Variants in DYRK2 observed in about 807,000 individuals in gnomAD.
DYRK2 encodes the protein dual specificity tyrosine phosphorylation regulated kinase 2.
DYRK2 carries 12 observed loss-of-function variants against 41.6 expected under a neutral mutation model. The ratio of observed to expected loss-of-function variants is 0.29; its 90% CI spans 0.18 to 0.47. DYRK2 has a LOEUF of 0.47. Among genes scored for constraint, DYRK2 ranks in the 20% least tolerant of loss-of-function variants. The pLI is 1.00. For missense variants in DYRK2, 678 were observed against 798.4 expected (o/e 0.85, Z 1.82); for synonymous variants, 322 against 315.7 (o/e 1.02, Z -0.21).
intron 1 of DYRK2, 160 bp from the exon 2 acceptor site, chr12:67,649,637 C>T: frequency 1.2e-6 from 1 of 828,934 alleles, no homozygotes; most frequent in Non-Finnish European, 1.6e-6. Context: ...TGGGTGTGCG[C>T]TGGGGAGCCG....
Position 67,649,801 on chromosome 12 carries a change from A to C in DYRK2, c.54A>C (p.Arg18=). 7.6e-7 allele frequency: 1 copy of C among 1,314,972 alleles called. No individual in the cohort carries two copies. The highest frequency in any genetic ancestry group is 9.8e-7 in the Non-Finnish European group (1 of 1,025,118). 81.5% of individuals were successfully genotyped at this position (1,314,972 alleles called of 1,614,324 possible). Reference sequence around the variant, plus strand: ...CCTCCCGCACGTGGCTTCCAGGCCGAGGTGGGGACAGCGCCGTTCGTCAGC... The same window carrying C: ...CCTCCCGCACGTGGCTTCCAGGCCGCGGTGGGGACAGCGCCGTTCGTCAGC... The part of the protein sequence containing the change: ...AAAPAAYPTG[R]GGDSAVRQLQ... Residue 18 remains arginine (R), a synonymous_variant, in exon 2 of 3, where the codon CGA becomes CGC. Coordinates refer to ENST00000344096, the MANE Select transcript of DYRK2 (RefSeq NM_006482.3).
In DYRK2 at chr12:67,648,929, G is replaced by C; in HGVS notation, c.-205G>C. 5.3e-6 allele frequency: 2 copies of C among 379,824 alleles called. No homozygotes were observed. Among genetic ancestry groups the C allele is most frequent in the Non-Finnish European group, 9.3e-6 (2 of 213,994 alleles). 23.5% of individuals were successfully genotyped at this position (379,824 alleles called of 1,614,324 possible). On this transcript the variant is annotated 5_prime_UTR_variant, in exon 1 of 3. Transcript: ENST00000344096. Reference sequence around the variant, plus strand: ...AAGAGGAGGACGGCGGCGAGGAGGAGAGCGGGGGGCTCGCGGCGGCGGGCC... The same window carrying C: ...AAGAGGAGGACGGCGGCGAGGAGGACAGCGGGGGGCTCGCGGCGGCGGGCC...
Position 67,664,053 on chromosome 12 carries a change from T to A in DYRK2, c.*5340T>A, listed in dbSNP as rs1872689421. On this transcript the variant is annotated 3_prime_UTR_variant, in exon 3 of 3. Coordinates refer to ENST00000344096, the MANE Select transcript of DYRK2 (RefSeq NM_006482.3). ...TCTTAAGTTTGAATTACACTTGATT[T>A]CCTTTGGGTTATTAGGCAGATAAAC... The A allele has an allele frequency of 1.3e-5, 2 of 152,286 alleles. No individual in the cohort carries two copies. The highest frequency in any genetic ancestry group is 1.3e-4 in the Admixed American group (2 of 15,284). 9.4% of individuals were successfully genotyped at this position (152,286 alleles called of 1,614,324 possible). A position where few individuals can be genotyped will look rare whatever the true frequency, so the allele number is the denominator to read the frequency against.
intron 2 of DYRK2, 141 bp downstream of exon 2, chr12:67,650,086 C>T: frequency 1.1e-6 from 1 of 934,648 alleles, no homozygotes; most frequent in African/African-American, 1.7e-5. Context: ...GATGGTCTCT[C>T]GTCGACGCCG....
intron 2 of DYRK2, chr12:67,651,471 A>G (rs1872319432): frequency 2.5e-6 from 1 of 405,052 alleles, no homozygotes. Flanking sequence ...ATGAAAGTAG[A>G]TGAAACGACA....
chr12:67,649,838 C>G lies in DYRK2; in HGVS notation c.91C>G (p.Pro31Ala). Residue 31 changes from proline (P) to alanine (A), a missense_variant, in exon 2 of 3, where the codon CCG becomes GCG. By Grantham distance (27) the Pro-to-Ala change is conservative. This residue lies in a region of DYRK2 where 285 missense variants were observed against 279.2 expected (regional missense o/e 1.02). Coordinates refer to ENST00000344096, the MANE Select transcript of DYRK2 (RefSeq NM_006482.3). ...DSAVRQLQASPGLGAGATRSG... is the reference protein window; with the variant it reads ...DSAVRQLQASAGLGAGATRSG... Reference sequence around the variant, plus strand: ...CGCCGTTCGTCAGCTTCAGGCTTCCCCGGGGCTCGGTGCAGGGGCCACCCG... The same window carrying G: ...CGCCGTTCGTCAGCTTCAGGCTTCCGCGGGGCTCGGTGCAGGGGCCACCCG... 7.5e-7 allele frequency: 1 copy of G among 1,331,164 alleles called. No individual in the cohort carries two copies. Among genetic ancestry groups the G allele is most frequent in the Non-Finnish European group, 9.7e-7 (1 of 1,034,980 alleles). 82.5% of individuals were successfully genotyped at this position (1,331,164 alleles called of 1,614,324 possible).
intron 2 of DYRK2, among the ~76,000 whole-genome samples, chr12:67,650,186 C>T (rs75539697): frequency 6.6e-6 from 1 of 152,376 alleles, no homozygotes; most frequent in East Asian, 1.9e-4. Context: ...GCTCGCCCAC[C>T]CATGACCTCC....
chr12:67,651,361 T>A, intron 2 of DYRK2: 1 of 301,652 alleles, frequency 3.3e-6, no homozygotes, highest in Non-Finnish European at 6.5e-6. Context: ...CATGACATGG[T>A]GTGAGCTGGA....
Position 67,658,505 on chromosome 12 carries a change from C to T in DYRK2, c.1598C>T (p.Pro533Leu), listed in dbSNP as rs1872545643. 6.2e-7 allele frequency: 1 copy of T among 1,611,536 alleles called. No homozygotes were observed. The highest frequency in any genetic ancestry group is 8.5e-7 in the Non-Finnish European group (1 of 1,178,792). Residue 533 changes from proline to leucine, a missense_variant, in exon 3 of 3, where the codon CCC (proline) becomes CTC (leucine). Pro to Leu is a moderately conservative substitution (Grantham distance 98, BLOSUM62 -3). Transcript: ENST00000344096. This position sits in a 1 kb window ranked among gnomAD's most constrained non-coding sequence, Gnocchi z 4.3. Reference sequence around the variant, plus strand: ...ACCCCAGGCCAGGCTTTGCGGCACCCCTGGCTGAGGAGGCGGTTGCCAAAG... The same window carrying T: ...ACCCCAGGCCAGGCTTTGCGGCACCTCTGGCTGAGGAGGCGGTTGCCAAAG... The part of the protein sequence containing the change: ...RMTPGQALRH[P>L]WLRRRLPKPP...
At chr12:67,651,379 CTAT>C in intron 2 of DYRK2, 1 of 305,778 alleles carries the variant, frequency 3.3e-6, no homozygotes, top group Non-Finnish European at 6.4e-6. Flanking sequence ...GGAAAAAGAA[CTAT>C]TTGGTTTGCA....
chr12:67,659,803 A>G lies in DYRK2; in HGVS notation c.*1090A>G, dbSNP rs1309225888. On this transcript the variant is annotated 3_prime_UTR_variant, in exon 3 of 3. Transcript: ENST00000344096. Reference sequence around the variant, plus strand: ...CTTTCTTTAAAAAGAAAGAGGGTTGAAAATCCTCTGGACGAACAGAAGTCA... The same window carrying G: ...CTTTCTTTAAAAAGAAAGAGGGTTGGAAATCCTCTGGACGAACAGAAGTCA... The G allele has an allele frequency of 3.0e-5, 5 of 167,124 alleles. No individual in the cohort carries two copies. Among genetic ancestry groups the G allele is most frequent in the Non-Finnish European group, 7.3e-5 (5 of 68,122 alleles). The allele number at this position is 167,124 out of a possible 1,614,324, so 10.4% of individuals were successfully genotyped here.
At chr12:67,653,240 C>T (rs1259917694) in intron 2 of DYRK2, among the ~76,000 whole-genome samples, 1 of 152,106 alleles carries the variant, frequency 6.6e-6, no homozygotes, top group Non-Finnish European at 1.5e-5. Context: ...TTTTTAGTAT[C>T]CTTAAGTTTA....
At chr12:67,655,717 A>G (rs1024118959) in intron 2 of DYRK2, among the ~76,000 whole-genome samples, 3 of 152,222 alleles carry the variant, frequency 2.0e-5, no homozygotes, top group Non-Finnish European at 2.9e-5. Context: ...CATTGTGCAT[A>G]TTATGTATCC....
chr12:67,653,606 G>A (rs532439984), intron 2 of DYRK2, among the ~76,000 whole-genome samples: 2 of 152,310 alleles, frequency 1.3e-5, no homozygotes, highest in Non-Finnish European at 2.9e-5. Context: ...CAAGCCTAAC[G>A]TCTTGTGACT....
rs976963838 is a variant in DYRK2 at position 67,661,820 on chromosome 12, T to G, written c.*3107T>G. 1 of 166,778 alleles carries G rather than the reference T, an allele frequency of 6.0e-6. No homozygotes were observed. The highest frequency in any genetic ancestry group is 1.5e-5 in the Non-Finnish European group (1 of 68,076). The allele number at this position is 166,778 out of a possible 1,614,324, so 10.3% of individuals were successfully genotyped here. ...CATTTTTTTTTTGTTATGCTAACAC[T>G]AGACAAAAATCAACTGTATTTGTAA... On this transcript the variant is annotated 3_prime_UTR_variant, in exon 3 of 3. Transcript: ENST00000344096.
At position 67,657,555 on chromosome 12, in the gene DYRK2, T is replaced by C; in HGVS notation, c.648T>C (p.Asp216=). Residue 216 remains aspartate (D), a synonymous_variant, in exon 3 of 3, where the codon GAT becomes GAC. Coordinates refer to ENST00000344096, the MANE Select transcript of DYRK2 (RefSeq NM_006482.3). The surrounding 1 kb of genome is among the most constrained non-coding windows in gnomAD (Gnocchi z 4.8). ...DQGSYVQVPH[D]HVAYRYEVLK... ...GATCATATGTGCAGGTGCCCCACGA[T>C]CACGTGGCTTACAGGTATGAGGTCC... 1 of 1,614,054 alleles carries C rather than the reference T, an allele frequency of 6.2e-7. No homozygotes were observed.
At chr12:67,651,956 A>G (rs1414324906) in intron 2 of DYRK2, among the ~76,000 whole-genome samples, 16 of 152,188 alleles carry the variant, frequency 1.1e-4, no homozygotes, top group Admixed American at 7.2e-4. Context: ...GAACCTTTGT[A>G]GATCCATATT....
chr12:67,649,884 C>A lies in DYRK2; in HGVS notation c.137C>A (p.Pro46Gln), dbSNP rs1320173162. 2 of 1,380,144 alleles carry A rather than the reference C, an allele frequency of 1.4e-6. No individual in the cohort carries two copies. The highest frequency in any genetic ancestry group is 2.0e-5 in the South Asian group (1 of 49,504). 85.5% of individuals were successfully genotyped at this position (1,380,144 alleles called of 1,614,324 possible). A position where few individuals can be genotyped will look rare whatever the true frequency, so the allele number is the denominator to read the frequency against. ...GATRSGVGTG[P>Q]PSPIALPPLR... ...ACCCGGAGCGGAGTGGGGACTGGCCCGCCCTCCCCCATCGCCCTGCCGCCT... is the reference window on the plus strand; with the variant it reads ...ACCCGGAGCGGAGTGGGGACTGGCCAGCCCTCCCCCATCGCCCTGCCGCCT... Residue 46 changes from proline to glutamine, a missense_variant, in exon 2 of 3, where the codon CCG becomes CAG. Pro to Gln is a moderately conservative substitution (Grantham distance 76). This residue lies in a region of DYRK2 where 285 missense variants were observed against 279.2 expected (regional missense o/e 1.02). Coordinates refer to ENST00000344096, the MANE Select transcript of DYRK2 (RefSeq NM_006482.3).
At chr12:67,649,216 G>T in intron 1 of DYRK2, 34 bp downstream of exon 1, 1 of 1,462,802 alleles carries the variant, frequency 6.8e-7, no homozygotes. Flanking sequence ...CGCATCCCCG[G>T]ACCCCCGCCG....
Sources: allele counts gnomAD v4.1 joint callset (sites outside exome capture counted in the v4.1 genomes callset), GRCh38; gene constraint gnomAD v4.1.1; regional missense constraint gnomAD v4.1.1; non-coding constraint Gnocchi (gnomAD v3.1); transcripts MANE v1.5; gene names NCBI Gene and HGNC (gene_info 2026-07-23, HGNC 2026-07-21).